CCDC91: variants seen among roughly 807,000 people sequenced by gnomAD.
The protein encoded by CCDC91 is coiled-coil domain-containing protein 91.
Under a neutral mutation model 63.2 loss-of-function variants are expected in CCDC91, and 48 were observed. The ratio of observed to expected loss-of-function variants is 0.76; its 90% CI spans 0.60 to 0.97. CCDC91 has a LOEUF of 0.97. Among genes scored for constraint, CCDC91 ranks in the 50% least tolerant of loss-of-function variants. CCDC91 has a pLI of 0.00. For synonymous variants in CCDC91, 167 were observed against 165.8 expected (o/e 1.01, Z -0.06); for missense variants, 500 against 494.6 (o/e 1.01, Z -0.10).
At chr12:28,503,548 C>G (rs1938260916) in intron 12 of CCDC91, among the ~76,000 whole-genome samples, 1 of 152,092 alleles carries the variant, frequency 6.6e-6, no homozygotes, top group Non-Finnish European at 1.5e-5. Context: ...GGATCTAGAA[C>G]TAGAATTACC....
chr12:28,224,462 G>C (rs1944147972), intron 1 of CCDC91, among the ~76,000 whole-genome samples: 1 of 152,088 alleles, frequency 6.6e-6, no homozygotes, highest in Admixed American at 6.5e-5. Flanking sequence ...CTTTCTCTCT[G>C]TATAGAAATT....
At chr12:28,423,551 G>A (rs1287896703) in intron 8 of CCDC91, among the ~76,000 whole-genome samples, 1 of 151,960 alleles carries the variant, frequency 6.6e-6, no homozygotes, top group Non-Finnish European at 1.5e-5. Flanking sequence ...AAATATTGAA[G>A]CATATTTTCA....
chr12:28,353,551 A>G (rs1197529165), intron 6 of CCDC91, among the ~76,000 whole-genome samples: 1 of 152,164 alleles, frequency 6.6e-6, no homozygotes, highest in African/African-American at 2.4e-5. Flanking sequence ...AGCTGTTATT[A>G]TAGGGTTATT....
At chr12:28,436,461 T>G (rs1408906667) in intron 8 of CCDC91, among the ~76,000 whole-genome samples, 1 of 151,884 alleles carries the variant, frequency 6.6e-6, no homozygotes, top group African/African-American at 2.4e-5. Flanking sequence ...GATATTAATA[T>G]ATGCATAAGT....
At chr12:28,413,502 T>C (rs1051203512) in intron 8 of CCDC91, among the ~76,000 whole-genome samples, 2 of 152,228 alleles carry the variant, frequency 1.3e-5, no homozygotes, top group African/African-American at 2.4e-5. Context: ...ATCTTTTCTC[T>C]TTGGTTGTTT....
chr12:28,362,598 T>C (rs944367543), intron 7 of CCDC91, 83 bp downstream of exon 7: 13 of 743,396 alleles, frequency 1.7e-5, no homozygotes, highest in Non-Finnish European at 2.6e-5. Context: ...TGCAAACATA[T>C]ACAAATTATA....
intron 8 of CCDC91, among the ~76,000 whole-genome samples, chr12:28,413,984 T>A (rs551333031): frequency 6.6e-6 from 1 of 152,186 alleles, no homozygotes; most frequent in East Asian, 1.9e-4. Context: ...CACATTAAGA[T>A]GTTTGTCAAT....
At chr12:28,347,208 G>A (rs1297854187) in intron 6 of CCDC91, among the ~76,000 whole-genome samples, 2 of 152,202 alleles carry the variant, frequency 1.3e-5, no homozygotes, top group African/African-American at 4.8e-5. Context: ...GATTCCAGAA[G>A]CAGAAGTGGT....
At chr12:28,261,848 C>G (rs1946841323) in intron 3 of CCDC91, among the ~76,000 whole-genome samples, 1 of 151,940 alleles carries the variant, frequency 6.6e-6, no homozygotes, top group African/African-American at 2.4e-5. Context: ...TGCACACACT[C>G]ACACTCACAC....
At chr12:28,437,131 T>A (rs1215832966) in intron 8 of CCDC91, among the ~76,000 whole-genome samples, 1 of 150,402 alleles carries the variant, frequency 6.6e-6, no homozygotes, top group African/African-American at 2.4e-5. Context: ...TAAAATTCCA[T>A]CCATGATTTA....
chr12:28,379,261 A>G (rs1945133823), intron 7 of CCDC91, among the ~76,000 whole-genome samples: 1 of 152,042 alleles, frequency 6.6e-6, no homozygotes, highest in African/African-American at 2.4e-5. Context: ...TCATAACTAA[A>G]ACACCAAAAG....
At chr12:28,288,801 A>G (rs1949053862) in intron 3 of CCDC91, among the ~76,000 whole-genome samples, 1 of 152,032 alleles carries the variant, frequency 6.6e-6, no homozygotes, top group Non-Finnish European at 1.5e-5. Context: ...AGATGTGGAT[A>G]TGTCTAGTCC....
chr12:28,492,027 C>T (rs1952040227), intron 12 of CCDC91, among the ~76,000 whole-genome samples: 1 of 151,482 alleles, frequency 6.6e-6, no homozygotes, highest in Non-Finnish European at 1.5e-5. Flanking sequence ...TAAGGGACCA[C>T]AATTGCCTTC....
intron 3 of CCDC91, among the ~76,000 whole-genome samples, chr12:28,263,588 C>A (rs373941690): frequency 6.6e-5 from 10 of 152,070 alleles, no homozygotes; most frequent in African/African-American, 2.4e-4. Context: ...TTTATCTGTT[C>A]ATTTGTTTAT....
At chr12:28,298,704 A>G (rs1478083996) in intron 3 of CCDC91, among the ~76,000 whole-genome samples, 2 of 149,164 alleles carry the variant, frequency 1.3e-5, no homozygotes, top group Non-Finnish European at 3.0e-5. Flanking sequence ...CCTCCATTTT[A>G]TGTTAGCATT....
intron 8 of CCDC91, among the ~76,000 whole-genome samples, chr12:28,395,159 G>C (rs1388209070): frequency 2.0e-5 from 3 of 151,948 alleles, no homozygotes; most frequent in African/African-American, 7.3e-5. Context: ...AATTTACTTT[G>C]GTGTCACTGT....
intron 1 of CCDC91, among the ~76,000 whole-genome samples, chr12:28,221,427 A>G (rs920288223): frequency 1.3e-5 from 2 of 152,162 alleles, no homozygotes; most frequent in Non-Finnish European, 2.9e-5. Flanking sequence ...CTGATTCTTT[A>G]TATGACTGTT....
intron 8 of CCDC91, among the ~76,000 whole-genome samples, chr12:28,420,713 T>A (rs937110797): frequency 6.6e-6 from 1 of 151,850 alleles, no homozygotes; most frequent in African/African-American, 2.4e-5. Flanking sequence ...TTATATGACA[T>A]CTTCCTGTTT....
At chr12:28,369,256 A>G (rs1944460356) in intron 7 of CCDC91, among the ~76,000 whole-genome samples, 1 of 152,174 alleles carries the variant, frequency 6.6e-6, no homozygotes, top group African/African-American at 2.4e-5. Context: ...GCATTGGTAA[A>G]TGCTCCCATT....
Sources: allele counts gnomAD v4.1 joint callset (sites outside exome capture counted in the v4.1 genomes callset), GRCh38; gene constraint gnomAD v4.1.1; transcripts MANE v1.5; gene names NCBI Gene and HGNC (gene_info 2026-07-23, HGNC 2026-07-21).